Variants in CCDC73 observed in about 807,000 individuals in gnomAD.
CCDC73 encodes the protein coiled-coil domain containing 73, also known as coiled-coil domain-containing protein 73.
Under a neutral mutation model 116.5 loss-of-function variants are expected in CCDC73, and 95 were observed. That is an observed-to-expected ratio of 0.82 (90% confidence interval 0.69 to 0.97). The LOEUF (loss-of-function observed/expected upper bound fraction) is 0.97, where lower values mean the gene tolerates loss of function less well. Ranked by LOEUF, CCDC73 falls within the 50% of genes least tolerant of loss-of-function variation. The pLI is 0.00. For missense variants in CCDC73, 1,066 were observed against 1,206.8 expected (o/e 0.88, Z 1.73); for synonymous variants, 398 against 401.3 (o/e 0.99, Z 0.10).
intron 14 of CCDC73, among the ~76,000 whole-genome samples, chr11:32,635,031 G>T (rs1390427117): frequency 2.0e-5 from 3 of 151,992 alleles, no homozygotes; most frequent in African/African-American, 7.3e-5. Flanking sequence ...AGGATCCCAA[G>T]ACATAAAATA....
intron 2 of CCDC73, among the ~76,000 whole-genome samples, chr11:32,737,269 GTGTGTA>G (rs1289682608): frequency 4.7e-4 from 65 of 137,344 alleles, no homozygotes; most frequent in African/African-American, 1.5e-3. Context: ...GTGTGTGTGT[GTGTGTA>G]TATACATGGT....
At chr11:32,619,132 G>A (rs1042337472) in intron 14 of CCDC73, among the ~76,000 whole-genome samples, 1 of 152,262 alleles carries the variant, frequency 6.6e-6, no homozygotes, top group Admixed American at 6.5e-5. Context: ...TCTGTTGATA[G>A]TTTTGTTTTT....
chr11:32,607,007 C>G (rs990809928), intron 17 of CCDC73, among the ~76,000 whole-genome samples: 2 of 151,028 alleles, frequency 1.3e-5, no homozygotes, highest in African/African-American at 4.9e-5. Flanking sequence ...AAACTCCTGA[C>G]CTTGTGATCC....
intron 9 of CCDC73, among the ~76,000 whole-genome samples, chr11:32,661,250 T>C (rs1855920401): frequency 6.6e-6 from 1 of 152,190 alleles, no homozygotes; most frequent in South Asian, 2.1e-4. Flanking sequence ...TCCCCTTTTA[T>C]TTTTTTAAGC....
chr11:32,631,625 G>A (rs757649893), intron 14 of CCDC73, among the ~76,000 whole-genome samples: 5 of 151,016 alleles, frequency 3.3e-5, no homozygotes, highest in Admixed American at 6.6e-5. Context: ...GGGAAGGGAA[G>A]GGACGGGAAA....
rs1423493997 is a variant in CCDC73, at chr11:32,613,723, T to C, written c.2595A>G (p.Glu865=). Residue 865 remains glutamate (E), a synonymous_variant, in exon 16 of 18, where the codon GAA becomes GAG. Coordinates refer to ENST00000335185, the MANE Select transcript of CCDC73 (RefSeq NM_001008391.4). ...GKMFSEGQLE[E]SHSFHIEPSG... is the part of the protein sequence containing the mutation. The stretch of plus-strand genomic sequence containing the variant: ...ATGGCTCTATGTGAAATGAATGTGA[T>C]TCCTCCAGCTGTCCTTCACTGAACA... The C allele has an allele frequency of 2.5e-6, 4 of 1,614,000 alleles. No individual in the cohort carries two copies. In the African/African-American group the frequency reaches 5.3e-5, roughly 22 times the overall value.
chr11:32,767,948 T>C (rs1451471494), intron 1 of CCDC73, among the ~76,000 whole-genome samples: 1 of 152,164 alleles, frequency 6.6e-6, no homozygotes, highest in Non-Finnish European at 1.5e-5. Context: ...GAAATACCAT[T>C]TGACCCAGCC....
At chr11:32,670,786 G>C (rs1856031399) in intron 9 of CCDC73, among the ~76,000 whole-genome samples, 1 of 152,074 alleles carries the variant, frequency 6.6e-6, no homozygotes, top group Non-Finnish European at 1.5e-5. Context: ...AAGTCTTGTA[G>C]GAGATACTCT....
intron 9 of CCDC73, among the ~76,000 whole-genome samples, chr11:32,656,415 A>G (rs563715860): frequency 3.2e-4 from 48 of 152,244 alleles, no homozygotes; most frequent in Non-Finnish European, 2.9e-5. Flanking sequence ...TGCCTACCAG[A>G]GAAGCAAAGA....
At chr11:32,782,827 A>G (rs1297662250) in intron 1 of CCDC73, among the ~76,000 whole-genome samples, 1 of 152,190 alleles carries the variant, frequency 6.6e-6, no homozygotes, top group Admixed American at 6.5e-5. Context: ...AAGATAGTGG[A>G]AATGAAAAAT....
rs1263569071 is a variant in CCDC73, at chr11:32,766,237, G to T, written c.-15-5979C>A. On this transcript the variant is annotated intron_variant, in intron 1 of 17. Coordinates refer to ENST00000335185, the MANE Select transcript of CCDC73 (RefSeq NM_001008391.4). ...GATTATCTCAATAGATGCAGAAAAGGCCTGTGACAAAATTCAACAGCCCTT... is the reference window on the plus strand; with the variant it reads ...GATTATCTCAATAGATGCAGAAAAGTCCTGTGACAAAATTCAACAGCCCTT... Among the ~76,000 whole-genome samples the T allele has an allele frequency of 2.6e-5, 4 of 152,080 alleles. No homozygotes were observed. The East Asian group carries it at 7.7e-4, about 29-fold the overall frequency.
intron 2 of CCDC73, among the ~76,000 whole-genome samples, chr11:32,734,930 C>T (rs531945746): frequency 7.9e-4 from 121 of 152,308 alleles, no homozygotes; most frequent in Non-Finnish European, 3.8e-4. Context: ...ACATGATTAT[C>T]TCAATAGATG....
At chr11:32,665,196 C>T (rs1855969090) in intron 9 of CCDC73, among the ~76,000 whole-genome samples, 2 of 152,120 alleles carry the variant, frequency 1.3e-5, no homozygotes, top group Admixed American at 1.3e-4. Context: ...GAGCTGAGTT[C>T]AATTCCTGGA....
intron 14 of CCDC73, among the ~76,000 whole-genome samples, chr11:32,630,150 TAAC>T (rs1456916617): frequency 3.3e-5 from 5 of 152,192 alleles, no homozygotes. Context: ...AAATGTATGA[TAAC>T]AACAACACAA....
chr11:32,691,305 CAA>C (rs1481107725), intron 6 of CCDC73, among the ~76,000 whole-genome samples: 1 of 152,176 alleles, frequency 6.6e-6, no homozygotes, highest in Non-Finnish European at 1.5e-5. Context: ...CTCAGCCTCC[CAA>C]AGTGCTGAGA....
chr11:32,830,120 C>A, the CCDC73 span: 1 of 996,452 alleles, frequency 1.0e-6, no homozygotes, highest in Non-Finnish European at 1.2e-6. Context: ...AAGGAACCGC[C>A]CCAAGAAGAG....
intron 2 of CCDC73, among the ~76,000 whole-genome samples, chr11:32,732,756 C>T (rs1208945963): frequency 6.6e-6 from 1 of 152,156 alleles, no homozygotes; most frequent in Non-Finnish European, 1.5e-5. Context: ...CTTACAAGAG[C>T]TCCTGAAGGA....
At chr11:32,700,077 T>A (rs1024578056) in intron 5 of CCDC73, among the ~76,000 whole-genome samples, 8 of 151,806 alleles carry the variant, frequency 5.3e-5, no homozygotes, top group Middle Eastern at 3.4e-3. Context: ...ATTTTATCAG[T>A]AGAGCATCCT....
chr11:32,616,396 C>T (rs1855475199), intron 14 of CCDC73, among the ~76,000 whole-genome samples: 1 of 151,948 alleles, frequency 6.6e-6, no homozygotes, highest in African/African-American at 2.4e-5. Context: ...TATATAATAC[C>T]ACATTATATG....
Sources: allele counts gnomAD v4.1 joint callset (sites outside exome capture counted in the v4.1 genomes callset), GRCh38; gene constraint gnomAD v4.1.1; transcripts MANE v1.5; gene names NCBI Gene and HGNC (gene_info 2026-07-23, HGNC 2026-07-21).